PLCG2: variants seen among roughly 807,000 people sequenced by gnomAD.
PLCG2 encodes the protein phospholipase C gamma 2, also known as 1-phosphatidylinositol 4,5-bisphosphate phosphodiesterase gamma-2.
Under a neutral mutation model 175.6 loss-of-function variants are expected in PLCG2, and 69 were observed. The observed-to-expected ratio is 0.39, with a 90% confidence interval of 0.32 to 0.48. The LOEUF (loss-of-function observed/expected upper bound fraction) is 0.48. PLCG2 is among the 20% of genes least tolerant of loss of function. The probability of loss-of-function intolerance (pLI) is 0.91; values close to 1 mark genes in which losing one functional copy is unlikely to be tolerated. For missense variants in PLCG2, 1,798 were observed against 1,650.9 expected (o/e 1.09, Z -1.54); for synonymous variants, 827 against 624.0 (o/e 1.33, Z -4.85).
At chr16:81,772,460 C>G (rs781624657) in intron 2 of PLCG2, among the ~76,000 whole-genome samples, 3 of 151,886 alleles carry the variant, frequency 2.0e-5, no homozygotes, top group African/African-American at 7.3e-5. Flanking sequence ...GTTACGGCAG[C>G]CTTTGGAAGG....
At chr16:81,860,503 G>T (rs1008529319) in intron 5 of PLCG2, among the ~76,000 whole-genome samples, 1 of 152,122 alleles carries the variant, frequency 6.6e-6, no homozygotes, top group African/African-American at 2.4e-5. Flanking sequence ...AGTGGGGCAA[G>T]AGGGCACCCT....
At chr16:81,772,607 C>T (rs1467059349) in intron 2 of PLCG2, among the ~76,000 whole-genome samples, 8 of 147,322 alleles carry the variant, frequency 5.4e-5, no homozygotes, top group Non-Finnish European at 8.9e-5. Context: ...GTCAGGAGTT[C>T]AAGACCAGCC....
chr16:81,849,886 C>G (rs1432778458), intron 2 of PLCG2, among the ~76,000 whole-genome samples: 2 of 151,516 alleles, frequency 1.3e-5, no homozygotes, highest in Non-Finnish European at 2.9e-5. Flanking sequence ...CTTAAAGTCA[C>G]TAGACTTTCA....
rs1911715064 is a variant in PLCG2 at position 81,959,814 on chromosome 16, C to T, written c.*1816C>T. ...ATTGCACCTGGCATCTCCCCCAACC[C>T]CTCTCAGCTCTGTTAGGACTTCCAC... On this transcript the variant is annotated 3_prime_UTR_variant, in exon 33 of 33. Coordinates refer to ENST00000564138, the MANE Select transcript of PLCG2 (RefSeq NM_002661.5). 1.1e-5 allele frequency: 2 copies of T among 185,810 alleles called. No individual in the cohort carries two copies. Among genetic ancestry groups the T allele is most frequent in the Admixed American group, 1.2e-4 (2 of 16,102 alleles). The allele number at this position is 185,810 out of a possible 1,614,324, so 11.5% of individuals were successfully genotyped here. A position where few individuals can be genotyped will look rare whatever the true frequency, so the allele number is the denominator to read the frequency against.
In PLCG2 at chr16:81,896,795, A is replaced by G. The variant is rs556746860; in HGVS notation, c.1193+868A>G. On this transcript the variant is annotated intron_variant, in intron 13 of 32. Coordinates refer to ENST00000564138, the MANE Select transcript of PLCG2 (RefSeq NM_002661.5). ...TGCTAGGTTCTTTGTACAGGTGATC[A>G]TATTGATTCTTTGCCACAAAGTGAG... 2.6e-5 allele frequency among the ~76,000 whole-genome samples: 4 copies of G among 152,296 alleles called. No homozygotes were observed. The South Asian group carries it at 8.3e-4, about 32-fold the overall frequency.
intron 30 of PLCG2, among the ~76,000 whole-genome samples, chr16:81,944,948 T>C (rs1911094558): frequency 6.6e-6 from 1 of 152,184 alleles, no homozygotes; most frequent in Non-Finnish European, 1.5e-5. Flanking sequence ...TTGCTGTATG[T>C]TTAAGAATTT....
chr16:81,778,108 G>T (rs571092838), upstream of PLCG2, among the ~76,000 whole-genome samples: 2 of 150,678 alleles, frequency 1.3e-5, no homozygotes, highest in East Asian at 1.9e-4. Flanking sequence ...CAGACCAGTG[G>T]CACATGCCTG....
At chr16:81,751,847 T>A (rs1039784852) in intron 1 of PLCG2, among the ~76,000 whole-genome samples, 1 of 151,854 alleles carries the variant, frequency 6.6e-6, no homozygotes, top group Non-Finnish European at 1.5e-5. Flanking sequence ...CATGGTGAAA[T>A]CTTGTCTCTA....
rs1239262144 is a variant in PLCG2, at chr16:81,957,825, T to C, written c.3756-131T>C. 4 of 748,028 alleles carry C rather than the reference T, an allele frequency of 5.3e-6. No individual in the cohort carries two copies. In the African/African-American group the frequency reaches 6.9e-5, roughly 13 times the overall value. The allele number at this position is 748,028 out of a possible 1,614,324, so 46.3% of individuals were successfully genotyped here. Reference sequence around the variant, plus strand: ...TTACCAGGAACTTGGAGTCTGCCTCTCTGACACTCAGCCCTATACCATCCA... The same window carrying C: ...TTACCAGGAACTTGGAGTCTGCCTCCCTGACACTCAGCCCTATACCATCCA... On this transcript the variant is annotated intron_variant, in intron 32 of 32. Transcript: ENST00000564138.
rs1054550886 is a variant in PLCG2, at chr16:81,962,084, C to G, written c.*4086C>G. On this transcript the variant is annotated 3_prime_UTR_variant, in exon 33 of 33. Coordinates refer to ENST00000564138, the MANE Select transcript of PLCG2 (RefSeq NM_002661.5). ...GCTCCGTCGAAGAGGACGACCAACC[C>G]CGATAGAGGAGGACCGGTCTTCGGT... The G allele has an allele frequency of 1.6e-5, 3 of 186,378 alleles. No homozygotes were observed. The highest frequency in any genetic ancestry group is 6.2e-5 in the Admixed American group (1 of 16,064). 11.5% of individuals were successfully genotyped at this position (186,378 alleles called of 1,614,324 possible). A position where few individuals can be genotyped will look rare whatever the true frequency, so the allele number is the denominator to read the frequency against.
chr16:81,936,180 T>C lies in PLCG2; in HGVS notation c.2854T>C (p.Phe952Leu). Residue 952 changes from phenylalanine to leucine, a missense_variant, in exon 27 of 33, where the codon TTC becomes CTC. By Grantham distance (22) the Phe-to-Leu change is conservative. Coordinates refer to ENST00000564138, the MANE Select transcript of PLCG2 (RefSeq NM_002661.5). ...TTCTCTGTGTGCAGAAAATCCTGAC[T>C]TCCGAGAAATCCGCTCCTTTGTGGA... ...KTKDNLENPD[F>L]REIRSFVETK... 6.2e-7 allele frequency: 1 copy of C among 1,614,072 alleles called. No individual in the cohort carries two copies. The highest frequency in any genetic ancestry group is 8.5e-7 in the Non-Finnish European group (1 of 1,180,034).
intron 25 of PLCG2, among the ~76,000 whole-genome samples, chr16:81,932,688 G>C (rs559774707): frequency 1.3e-5 from 2 of 152,320 alleles, no homozygotes; most frequent in South Asian, 2.1e-4. Flanking sequence ...CAACTCTTCT[G>C]CAGGGAAGTG....
chr16:81,953,960 T>C (rs1352075119), intron 31 of PLCG2, among the ~76,000 whole-genome samples: 1 of 152,208 alleles, frequency 6.6e-6, no homozygotes, highest in Non-Finnish European at 1.5e-5. Flanking sequence ...CATTTTCTTC[T>C]AGGTGCAGAA....
chr16:81,767,465 C>G (rs1386062654), intron 2 of PLCG2: 1 of 152,144 alleles, frequency 6.6e-6, no homozygotes, highest in Non-Finnish European at 1.5e-5. Context: ...CACTCTTGTC[C>G]TTTTACTAGG....
At chr16:81,882,233 C>A (rs373975933) in intron 8 of PLCG2, among the ~76,000 whole-genome samples, 3 of 152,208 alleles carry the variant, frequency 2.0e-5, no homozygotes, top group East Asian at 3.9e-4. Flanking sequence ...CGTGCTGGCC[C>A]AGTGAGGCCC....
chr16:81,824,519 A>T lies in PLCG2; in HGVS notation c.194-29925A>T, dbSNP rs79776741. The stretch of plus-strand genomic sequence containing the variant: ...AAGCACCTCCAGCTTTTGTGGAGCC[A>T]GGTGTGGCTGGCACTTTTCGTTGGG... On this transcript the variant is annotated intron_variant, in intron 2 of 32. Coordinates refer to ENST00000564138, the MANE Select transcript of PLCG2 (RefSeq NM_002661.5). Among the ~76,000 whole-genome samples the T allele has an allele frequency of 4.7e-3, 721 of 152,332 alleles. 15 individuals carry two copies. Among genetic ancestry groups the T allele is most frequent in the East Asian group, 0.044 (230 of 5,182 alleles).
chr16:81,938,946 T>C, intron 29 of PLCG2, 31 bp downstream of exon 29: 4 of 1,284,466 alleles, frequency 3.1e-6, no homozygotes, highest in Non-Finnish European at 4.5e-6. Flanking sequence ...CCTCTGCTTT[T>C]AAACGTCCGG....
At chr16:81,867,638 T>C (rs144354153) in intron 5 of PLCG2, among the ~76,000 whole-genome samples, 186 of 152,294 alleles carry the variant, frequency 1.2e-3, no homozygotes, top group African/African-American at 4.4e-3. Flanking sequence ...CTTTTGTTAC[T>C]ATTGTTACTG....
At chr16:81,921,131 T>G in intron 20 of PLCG2, 67 bp from the exon 21 acceptor site, 1 of 969,148 alleles carries the variant, frequency 1.0e-6, no homozygotes, top group East Asian at 2.4e-5. Flanking sequence ...CCTAGAACCC[T>G]TGTTATATGT....
Sources: gnomAD v4.1 joint callset for allele counts (sites outside exome capture counted in the v4.1 genomes callset) on GRCh38, gnomAD v4.1.1 for gene constraint, MANE v1.5 for transcripts, NCBI Gene and HGNC (gene_info 2026-07-23, HGNC 2026-07-21) for gene names.